The following EDIL3 variants were observed in gnomAD, a reference collection of about 807,000 sequenced individuals.
EDIL3 encodes the protein EGF-like repeat and discoidin I-like domain-containing protein 3.
Under a neutral mutation model 67.4 loss-of-function variants are expected in EDIL3, and 37 were observed. The observed-to-expected ratio is 0.55, with a 90% CI of 0.42 to 0.72. The LOEUF is 0.72. EDIL3 is among the 30% of genes least tolerant of loss of function. EDIL3 has a pLI of 0.00. For synonymous variants in EDIL3, 195 were observed against 196.3 expected (o/e 0.99, Z 0.05); for missense variants, 527 against 586.3 (o/e 0.90, Z 1.04).
chr5:84,041,061 G>A (rs767257485), intron 9 of EDIL3, among the ~76,000 whole-genome samples: 3 of 151,988 alleles, frequency 2.0e-5, no homozygotes, highest in African/African-American at 7.2e-5. Context: ...AGTCCGGGAA[G>A]TGGGGTTTGC....
intron 1 of EDIL3, among the ~76,000 whole-genome samples, chr5:84,353,628 G>T (rs1027567534): frequency 1.3e-5 from 2 of 152,146 alleles, no homozygotes; most frequent in Non-Finnish European, 2.9e-5. Flanking sequence ...ATAATTGATT[G>T]CTTGAAGAGG....
chr5:84,024,937 A>G (rs1446428520), intron 9 of EDIL3, among the ~76,000 whole-genome samples: 1 of 152,052 alleles, frequency 6.6e-6, no homozygotes, highest in African/African-American at 2.4e-5. Flanking sequence ...TTAGTATTCA[A>G]CAAAATGACA....
intron 9 of EDIL3, among the ~76,000 whole-genome samples, chr5:84,000,827 T>C (rs1745318504): frequency 6.6e-6 from 1 of 151,776 alleles, no homozygotes; most frequent in African/African-American, 2.4e-5. Flanking sequence ...ACTTTGGAAA[T>C]TATACTAACA....
chr5:84,317,986 T>G (rs571788976), intron 1 of EDIL3, among the ~76,000 whole-genome samples: 13 of 152,210 alleles, frequency 8.5e-5, no homozygotes, highest in African/African-American at 3.1e-4. Flanking sequence ...AAAATCAATG[T>G]GCAAAAACCA....
intron 3 of EDIL3, among the ~76,000 whole-genome samples, chr5:84,224,024 A>G (rs571419165): frequency 4.2e-4 from 64 of 151,610 alleles, no homozygotes; most frequent in African/African-American, 1.5e-3. Context: ...CACTTGTAGT[A>G]TTAAAAAAAA....
chr5:84,166,752 G>A (rs1748711585), intron 4 of EDIL3, among the ~76,000 whole-genome samples: 2 of 152,078 alleles, frequency 1.3e-5, no homozygotes, highest in African/African-American at 2.4e-5. Flanking sequence ...GTTAGTTGGA[G>A]GAAGCCACTC....
Position 83,957,207 on chromosome 5 carries a change from C to T in EDIL3, c.1293+5998G>A, listed in dbSNP as rs993994117. Among the ~76,000 whole-genome samples, 24 of 151,706 alleles carry T rather than the reference C, an allele frequency of 1.6e-4. 1 individual carries two copies. The highest frequency in any genetic ancestry group is 5.3e-4 in the African/African-American group (22 of 41,370). On this transcript the variant is annotated intron_variant, in intron 10 of 10. Coordinates refer to ENST00000296591, the MANE Select transcript of EDIL3 (RefSeq NM_005711.5). ...TCCATGCAATATGGAGTGAAACCGT[C>T]CTTGATCCTGCTGCTCAGAAACATG...
At chr5:84,082,011 T>A (rs1186366713) in intron 6 of EDIL3, among the ~76,000 whole-genome samples, 1 of 152,252 alleles carries the variant, frequency 6.6e-6, no homozygotes, top group Non-Finnish European at 1.5e-5. Context: ...ACTTTAAGTA[T>A]GTCCTAACCG....
At chr5:84,013,529 T>C (rs1391609592) in intron 9 of EDIL3, among the ~76,000 whole-genome samples, 2 of 152,176 alleles carry the variant, frequency 1.3e-5, no homozygotes, top group Admixed American at 6.5e-5. Context: ...TTTGTTAATA[T>C]ATTAAATGAA....
chr5:84,299,152 A>T (rs1272940704), intron 1 of EDIL3, among the ~76,000 whole-genome samples: 1 of 152,218 alleles, frequency 6.6e-6, no homozygotes, highest in Non-Finnish European at 1.5e-5. Flanking sequence ...ACACACCACG[A>T]GGACAGGTAT....
At chr5:83,980,387 A>G (rs1744950218) in intron 9 of EDIL3, among the ~76,000 whole-genome samples, 1 of 152,016 alleles carries the variant, frequency 6.6e-6, no homozygotes, top group African/African-American at 2.4e-5. Flanking sequence ...GGAAAAAAGT[A>G]AATCTATCTT....
intron 6 of EDIL3, among the ~76,000 whole-genome samples, chr5:84,075,108 C>A (rs1746825853): frequency 6.6e-6 from 1 of 151,538 alleles, no homozygotes; most frequent in African/African-American, 2.4e-5. Context: ...GACAAAAGAC[C>A]AAACACCGCA....
rs372377265 is a variant in EDIL3, at chr5:84,194,428, A to G, written c.227-13907T>C. ...CAAAGATTTGCCCACAGGGATAAACAATGTGTGGAAGAAAAAACCAAAAAG... is the reference window on the plus strand; with the variant it reads ...CAAAGATTTGCCCACAGGGATAAACGATGTGTGGAAGAAAAAACCAAAAAG... On this transcript the variant is annotated intron_variant, in intron 3 of 10. Coordinates refer to ENST00000296591, the MANE Select transcript of EDIL3 (RefSeq NM_005711.5). Among the ~76,000 whole-genome samples the G allele has an allele frequency of 3.3e-5, 5 of 152,088 alleles. 1 individual carries two copies.
chr5:84,324,815 G>A (rs182692857), intron 1 of EDIL3, among the ~76,000 whole-genome samples: 4 of 151,454 alleles, frequency 2.6e-5, no homozygotes, highest in African/African-American at 9.7e-5. Flanking sequence ...AGATAAAATG[G>A]ATGAATTTTT....
chr5:84,356,770 A>G (rs754271360), intron 1 of EDIL3, among the ~76,000 whole-genome samples: 1 of 151,990 alleles, frequency 6.6e-6, no homozygotes, highest in Admixed American at 6.6e-5. Flanking sequence ...CTTTCATGTA[A>G]TCTTAGGTCT....
intron 3 of EDIL3, among the ~76,000 whole-genome samples, chr5:84,200,791 T>G (rs1743815217): frequency 6.6e-6 from 1 of 152,058 alleles, no homozygotes; most frequent in Admixed American, 6.6e-5. Context: ...AGTAAACACT[T>G]TCTTTGGAAC....
In EDIL3 at chr5:84,060,471, A is replaced by G; in HGVS notation, c.966T>C (p.Pro322=). The G allele has an allele frequency of 6.2e-7, 1 of 1,613,564 alleles. No homozygotes were observed. The highest frequency in any genetic ancestry group is 1.1e-5 in the South Asian group (1 of 91,054). Residue 322 remains proline, a synonymous_variant, in exon 9 of 11, where the codon CCT becomes CCC. Coordinates refer to ENST00000296591, the MANE Select transcript of EDIL3 (RefSeq NM_005711.5). The part of the protein sequence containing the change: ...LGCELSGCSE[P]LGMKSGHIQD... ...GTATATGTCCTGATTTCATACCCAG[A>G]GGCTCAGAACAACCTGAAAGAAAAT...
At chr5:84,317,261 A>C (rs1441494513) in intron 1 of EDIL3, among the ~76,000 whole-genome samples, 4 of 152,200 alleles carry the variant, frequency 2.6e-5, no homozygotes, top group African/African-American at 2.4e-5. Context: ...AACTAAGATC[A>C]GAGCAGAACT....
chr5:84,047,238 T>C (rs542696073), intron 9 of EDIL3, among the ~76,000 whole-genome samples: 14 of 152,212 alleles, frequency 9.2e-5, no homozygotes, highest in African/African-American at 3.4e-4. Flanking sequence ...ACTTTGGGCC[T>C]TTTTCATGAT....
Sources: gnomAD v4.1 joint callset for allele counts (sites outside exome capture counted in the v4.1 genomes callset) on GRCh38, gnomAD v4.1.1 for gene constraint, MANE v1.5 for transcripts, NCBI Gene and HGNC (gene_info 2026-07-23, HGNC 2026-07-21) for gene names.